PLXNB1: variants seen among roughly 807,000 people sequenced by gnomAD.
PLXNB1 encodes plexin B1.
Under a neutral mutation model 209.4 loss-of-function variants are expected in PLXNB1, and 106 were observed. The observed-to-expected ratio is 0.51, with a 90% CI of 0.43 to 0.59. The LOEUF is 0.59. PLXNB1 is among the 20% of genes least tolerant of loss of function. The pLI is 0.00. For synonymous variants in PLXNB1, 1,167 were observed against 1,183.2 expected (o/e 0.99, Z 0.28); for missense variants, 2,357 against 2,853.2 (o/e 0.83, Z 3.96).
At chr3:48,412,204 T>C in intron 27 of PLXNB1, 34 bp downstream of exon 27, 1 of 1,608,166 alleles carries the variant, frequency 6.2e-7, no homozygotes, top group Non-Finnish European at 8.5e-7. Flanking sequence ...TGACCCTCCC[T>C]GGACAGGAGC....
chr3:48,421,959 G>A, intron 6 of PLXNB1, 146 bp downstream of exon 6: 1 of 1,331,682 alleles, frequency 7.5e-7, no homozygotes, highest in South Asian at 1.4e-5. Context: ...CTGATGCCCA[G>A]TGCAGAGGAT....
At chr3:48,421,436 G>T (rs774680132) in intron 7 of PLXNB1, 52 bp from the exon 8 acceptor site, 1 of 1,504,454 alleles carries the variant, frequency 6.6e-7, no homozygotes, top group Non-Finnish European at 8.9e-7. Flanking sequence ...AGCAGACCAG[G>T]GCTCACATTT....
chr3:48,412,805 G>T lies in PLXNB1; in HGVS notation c.4791C>A (p.Pro1597=). The change falls in exon 25 of 38, where the codon CCC becomes CCA. Residue 1597 remains proline, a synonymous_variant. Transcript: ENST00000296440. Reference sequence around the variant, plus strand: ...GCTGCCCCAGCCCTTGCTCCACAGTGGGCCGTCTGCTCTCAGGCACACCCA... The same window carrying T: ...GCTGCCCCAGCCCTTGCTCCACAGTTGGCCGTCTGCTCTCAGGCACACCCA... The part of the protein sequence containing the change: ...RDLGVPESRR[P]TVEQGLGQLS... 1.2e-6 allele frequency: 2 copies of T among 1,613,662 alleles called. No individual in the cohort carries two copies. Among genetic ancestry groups the T allele is most frequent in the Non-Finnish European group, 1.7e-6 (2 of 1,180,024 alleles).
chr3:48,413,175 C>T lies in PLXNB1; in HGVS notation c.4536-6G>A. 1.2e-6 allele frequency: 2 copies of T among 1,608,636 alleles called. No homozygotes were observed. The highest frequency in any genetic ancestry group is 8.5e-7 in the Non-Finnish European group (1 of 1,178,318). ...GGGCCTGCTTGCTCTTCCTCCTGCT[C>T]AGCCCCAGGGTCAGGAGAGGATGGC... On this transcript the variant is annotated splice_polypyrimidine_tract_variant and splice_region_variant and intron_variant, in intron 23 of 37. Transcript: ENST00000296440. The surrounding 1 kb of genome is among the most constrained non-coding windows in gnomAD (Gnocchi z 5.4).
chr3:48,419,924 A>G lies in PLXNB1; in HGVS notation c.2362T>C (p.Leu788=), dbSNP rs970071072. Residue 788 remains leucine, a synonymous_variant, in exon 11 of 38, where the codon TTG becomes CTG. Coordinates refer to ENST00000296440, the MANE Select transcript of PLXNB1 (RefSeq NM_001130082.3). The surrounding 1 kb of genome is among the most constrained non-coding windows in gnomAD (Gnocchi z 5.7). ...TCTGAGGGTGACAGCGGGGAGGCCA[A>G]GAGGTCCTCAGGTGTGGCTGAGGGT... ...FRPSATPEDL[L]ASPLSPSEVA... is the part of the protein sequence containing the mutation. 6.4e-7 allele frequency: 1 copy of G among 1,567,100 alleles called. No individual in the cohort carries two copies. The highest frequency in any genetic ancestry group is 1.2e-5 in the South Asian group (1 of 83,294).
In PLXNB1 at chr3:48,421,305, G is replaced by A. The variant is rs1224023625; in HGVS notation, c.1733C>T (p.Pro578Leu). ...CACACCAGAACCAGTCAGCAGGGCAGGACTCTGATGTTCCCCAAAGTGGCA... is the reference window on the plus strand; with the variant it reads ...CACACCAGAACCAGTCAGCAGGGCAAGACTCTGATGTTCCCCAAAGTGGCA... ...YSCHFGEHQSPALLTGSGVMC... is the reference protein window; with the variant it reads ...YSCHFGEHQSLALLTGSGVMC... The change falls in exon 8 of 38, where the codon CCT (proline) becomes CTT (leucine). Residue 578 changes from proline (P) to leucine (L), a missense_variant. Pro to Leu is a moderately conservative substitution (Grantham distance 98, BLOSUM62 -3). This residue lies in a region of PLXNB1 where 214 missense variants were observed against 297.1 expected (regional missense o/e 0.72). Coordinates refer to ENST00000296440, the MANE Select transcript of PLXNB1 (RefSeq NM_001130082.3). 1 of 1,601,014 alleles carries A rather than the reference G, an allele frequency of 6.2e-7. No homozygotes were observed. Among genetic ancestry groups the A allele is most frequent in the Non-Finnish European group, 8.5e-7 (1 of 1,172,166 alleles).
Position 48,425,284 on chromosome 3 carries a change from G to C in PLXNB1, c.-10C>G, listed in dbSNP as rs531122390. 1 of 152,260 alleles carries C rather than the reference G, an allele frequency of 6.6e-6. No individual in the cohort carries two copies. Among genetic ancestry groups the C allele is most frequent in the Non-Finnish European group, 1.5e-5 (1 of 68,126 alleles). The allele number at this position is 152,260 out of a possible 1,614,324, so 9.4% of individuals were successfully genotyped here. On this transcript the variant is annotated 5_prime_UTR_variant, in exon 2 of 38. Transcript: ENST00000296440. ...TCTAGTGTGAGGTCAGGCTCACCTG[G>C]CAGGGCCGGCTGGATCAGGAGACAA...
chr3:48,415,591 G>A lies in PLXNB1; in HGVS notation c.3786C>T (p.Ser1262=), dbSNP rs376668821. 7.5e-5 allele frequency: 118 copies of A among 1,577,800 alleles called. No individual in the cohort carries two copies. Among genetic ancestry groups the A allele is most frequent in the Middle Eastern group, 1.7e-4 (1 of 6,020 alleles). The stretch of plus-strand genomic sequence containing the variant: ...CACCCCTGGCCCAACACCTGAGGAA[G>A]CTCTTGGTGGGGCCAGCAGAGGTGA... ...PNITSAGPTK[S]FLSGGREICV... is the part of the protein sequence containing the mutation. The change falls in exon 19 of 38, where the codon AGC becomes AGT. Residue 1262 remains serine (S), a synonymous_variant. Transcript: ENST00000296440. This position sits in a 1 kb window ranked among gnomAD's most constrained non-coding sequence, Gnocchi z 5.0.
Position 48,406,803 on chromosome 3 carries a change from G to A in PLXNB1, c.6228+20C>T. 3 of 1,585,786 alleles carry A rather than the reference G, an allele frequency of 1.9e-6. No individual in the cohort carries two copies. The highest frequency in any genetic ancestry group is 1.1e-5 in the South Asian group (1 of 87,088). On this transcript the variant is annotated intron_variant, in intron 36 of 37. Transcript: ENST00000296440. This position sits in a 1 kb window ranked among gnomAD's most constrained non-coding sequence, Gnocchi z 4.4. ...GGCAGGAGGCCTATGCCCAACCCAA[G>A]AAGCAGAGGGAGGCCTTACCCAGGA...
Position 48,417,732 on chromosome 3 carries a change from C to T in PLXNB1, c.3374+179G>A, listed in dbSNP as rs2038192794. 6.6e-6 allele frequency among the ~76,000 whole-genome samples: 1 copy of T among 152,178 alleles called. No individual in the cohort carries two copies. The highest frequency in any genetic ancestry group is 2.1e-4 in the South Asian group (1 of 4,830). ...CCCAGCAGCCCAGGCCAGGAACCTACAGGTGTGGTGGGTGCTCAGGGTCTT... is the reference window on the plus strand; with the variant it reads ...CCCAGCAGCCCAGGCCAGGAACCTATAGGTGTGGTGGGTGCTCAGGGTCTT... On this transcript the variant is annotated intron_variant, in intron 16 of 37. Coordinates refer to ENST00000296440, the MANE Select transcript of PLXNB1 (RefSeq NM_001130082.3). The surrounding 1 kb of genome is among the most constrained non-coding windows in gnomAD (Gnocchi z 4.4).
rs1283342613 is a variant in PLXNB1, at chr3:48,412,320, A to G, written c.5034-16T>C. 1.9e-6 allele frequency: 3 copies of G among 1,613,808 alleles called. No homozygotes were observed. Among genetic ancestry groups the G allele is most frequent in the Admixed American group, 3.3e-5 (2 of 60,010 alleles). On this transcript the variant is annotated splice_polypyrimidine_tract_variant and intron_variant, in intron 26 of 37. Transcript: ENST00000296440. The stretch of plus-strand genomic sequence containing the variant: ...AGTCTCTGTCCTGAGATGATGGGAA[A>G]GGGGAGTGCCAGGGTCAGCAGGTGG...
rs2037792343 is a variant in PLXNB1, at chr3:48,412,912, C to T, written c.4684G>A (p.Gly1562Ser). ...TDLTSDLLGS[G>S]IPFLDYKVYA... ...ACCTTGTAGTCGAGGAAGGGGATGC[C>T]GCTGCCCAGGAGGTCACTGGTGAGA... is the stretch of plus-strand genomic sequence containing the variant. The change falls in exon 25 of 38, where the codon GGC (glycine) becomes AGC (serine). Residue 1562 changes from glycine (G) to serine (S), a missense_variant. Around this residue, in one of 7 missense-constraint regions of PLXNB1, gnomAD observed 743 missense variants for 896.2 expected, o/e 0.83. Coordinates refer to ENST00000296440, the MANE Select transcript of PLXNB1 (RefSeq NM_001130082.3). 1 of 1,613,964 alleles carries T rather than the reference C, an allele frequency of 6.2e-7. No homozygotes were observed. The highest frequency in any genetic ancestry group is 1.7e-5 in the Admixed American group (1 of 60,004).
intron 3 of PLXNB1, among the ~76,000 whole-genome samples, chr3:48,423,273 C>T (rs889854436): frequency 2.6e-5 from 4 of 152,210 alleles, no homozygotes; most frequent in African/African-American, 7.2e-5. Context: ...AGTGCCACCC[C>T]TCCAGCATCC....
rs1038060317 is a variant in PLXNB1 at position 48,417,181 on chromosome 3, G to A, written c.3374+730C>T. Among the ~76,000 whole-genome samples the A allele has an allele frequency of 6.6e-6, 1 of 152,200 alleles. No homozygotes were observed. The highest frequency in any genetic ancestry group is 1.5e-5 in the Non-Finnish European group (1 of 68,038). On this transcript the variant is annotated intron_variant, in intron 16 of 37. Transcript: ENST00000296440. The surrounding 1 kb of genome is among the most constrained non-coding windows in gnomAD (Gnocchi z 4.4). Reference sequence around the variant, plus strand: ...AAGTTCTCGGTCATAACACATTCAGGGGACACTCCGTGCTCCAGGAGAGTG... The same window carrying A: ...AAGTTCTCGGTCATAACACATTCAGAGGACACTCCGTGCTCCAGGAGAGTG...
chr3:48,412,385 G>A, intron 26 of PLXNB1, 57 bp downstream of exon 26: 1 of 1,611,124 alleles, frequency 6.2e-7, no homozygotes, highest in Middle Eastern at 1.7e-4. Context: ...CCCAGCCCGA[G>A]GCCCCACCCC....
Position 48,409,146 on chromosome 3 carries a change from A to C in PLXNB1, c.6087+183T>G, listed in dbSNP as rs2037488843. Reference sequence around the variant, plus strand: ...CAACTTCACCTGTGAATTGGCACACAGTGTCCCCTCCTCTTGCTCATCCCT... The same window carrying C: ...CAACTTCACCTGTGAATTGGCACACCGTGTCCCCTCCTCTTGCTCATCCCT... On this transcript the variant is annotated intron_variant, in intron 34 of 37. Coordinates refer to ENST00000296440, the MANE Select transcript of PLXNB1 (RefSeq NM_001130082.3). This position sits in a 1 kb window ranked among gnomAD's most constrained non-coding sequence, Gnocchi z 5.8. 6.6e-6 allele frequency among the ~76,000 whole-genome samples: 1 copy of C among 152,166 alleles called. No homozygotes were observed.
At position 48,420,923 on chromosome 3, in the gene PLXNB1, C is replaced by T; in HGVS notation, c.1844G>A (p.Gly615Asp). The T allele has an allele frequency of 2.5e-6, 4 of 1,614,010 alleles. No individual in the cohort carries two copies. Among genetic ancestry groups the T allele is most frequent in the Non-Finnish European group, 3.4e-6 (4 of 1,179,914 alleles). ...GGAAGTTTTGGCGATCACAACAGCG[C>T]CAAATCTGAGCTCCACGCTCACGGA... is the stretch of plus-strand genomic sequence containing the variant. ...YVSVSVELRF[G>D]AVVIAKTSLS... Residue 615 changes from glycine to aspartate, a missense_variant, in exon 9 of 38, where the codon GGC (glycine) becomes GAC (aspartate). Around this residue, in one of 7 missense-constraint regions of PLXNB1, gnomAD observed 214 missense variants for 297.1 expected, o/e 0.72. Transcript: ENST00000296440.
At chr3:48,420,629 C>G in intron 10 of PLXNB1, 36 bp downstream of exon 10, 1 of 1,518,136 alleles carries the variant, frequency 6.6e-7, no homozygotes, top group Non-Finnish European at 9.1e-7. Flanking sequence ...GGACCCCCAA[C>G]CCCCCCGGTA....
chr3:48,427,629 G>A (rs1293471264), intron 1 of PLXNB1, among the ~76,000 whole-genome samples: 1 of 152,138 alleles, frequency 6.6e-6, no homozygotes. Context: ...CCCGATCCAT[G>A]CCAGTGCTCC....
Sources: gnomAD v4.1 joint callset for allele counts (sites outside exome capture counted in the v4.1 genomes callset) on GRCh38, gnomAD v4.1.1 for gene constraint, gnomAD v4.1.1 regional missense constraint, Gnocchi (gnomAD v3.1) non-coding constraint, MANE v1.5 for transcripts, NCBI Gene and HGNC (gene_info 2026-07-23, HGNC 2026-07-21) for gene names.